Variants in MCPH1 observed in about 807,000 individuals in gnomAD.
MCPH1 encodes the protein microcephalin 1.
MCPH1 carries 104 observed loss-of-function variants against 84.5 expected under a neutral mutation model. That is an observed-to-expected ratio of 1.23 (90% CI 1.05 to 1.45). The LOEUF (loss-of-function observed/expected upper bound fraction) is 1.45. Ranked by LOEUF, MCPH1 falls within the 40% of genes most tolerant of loss-of-function variation. The pLI is 0.00. For synonymous variants in MCPH1, 514 were observed against 366.8 expected, an observed-to-expected ratio of 1.40 and a Z score of -4.58; for missense variants, 1,498 against 1,005.7, an observed-to-expected ratio of 1.49 and a Z score of -6.62.
At chr8:6,471,004 G>A (rs73518749) in intron 9 of MCPH1, among the ~76,000 whole-genome samples, 2 of 152,168 alleles carry the variant, frequency 1.3e-5, no homozygotes, top group African/African-American at 2.4e-5. Flanking sequence ...TACAATGGAG[G>A]CTGCTACAGT....
At chr8:6,491,606 C>A (rs909270199) in intron 11 of MCPH1, among the ~76,000 whole-genome samples, 1 of 151,934 alleles carries the variant, frequency 6.6e-6, no homozygotes, top group African/African-American at 2.4e-5. Context: ...GGTATATCTC[C>A]TAATGCTATC....
chr8:6,603,148 A>G (rs1447397880), intron 12 of MCPH1, among the ~76,000 whole-genome samples: 1 of 152,178 alleles, frequency 6.6e-6, no homozygotes, highest in Non-Finnish European at 1.5e-5. Context: ...GAAAGTGATC[A>G]GCCTCTACCG....
At chr8:6,538,572 C>G (rs1430841163) in intron 12 of MCPH1, among the ~76,000 whole-genome samples, 1 of 152,208 alleles carries the variant, frequency 6.6e-6, no homozygotes, top group Non-Finnish European at 1.5e-5. Flanking sequence ...TCCCAGCTGC[C>G]CAGCGGCCTC....
At chr8:6,626,248 G>T in intron 13 of MCPH1, 10 of 985,326 alleles carry the variant, frequency 1.0e-5, no homozygotes, top group Non-Finnish European at 1.2e-5. Context: ...CACTCAACAG[G>T]GCTCAGTATA....
chr8:6,446,132 G>C (rs1804331927), intron 8 of MCPH1: 2 of 941,666 alleles, frequency 2.1e-6, no homozygotes. Context: ...TACTTATTTT[G>C]CTTGAAGCAT....
At position 6,431,582 on chromosome 8, in the gene MCPH1, A is replaced by C; in HGVS notation, c.317A>C (p.Lys106Thr). 6.2e-7 allele frequency: 1 copy of C among 1,601,614 alleles called. No individual in the cohort carries two copies. Among genetic ancestry groups the C allele is most frequent in the Non-Finnish European group, 8.5e-7 (1 of 1,170,010 alleles). ...MNEHLSSLIKKKRKCMQPKDF... is the reference protein window; with the variant it reads ...MNEHLSSLIKTKRKCMQPKDF... ...GAACACTTATCAAGCCTAATTAAAA[A>C]AAAAGTAAGTACATGATTTCAATGT... Residue 106 changes from lysine (K) to threonine (T), a missense_variant, in exon 4 of 14, where the codon AAA becomes ACA. Lys to Thr is a moderately conservative substitution (Grantham distance 78, BLOSUM62 -1). Transcript: ENST00000344683.
intron 13 of MCPH1, among the ~76,000 whole-genome samples, chr8:6,635,736 CG>C (rs1418450719): frequency 6.6e-6 from 1 of 152,206 alleles, no homozygotes; most frequent in East Asian, 1.9e-4. Flanking sequence ...AATGCCTCCT[CG>C]TCCCCAGAGG....
rs10435680 is a variant in MCPH1, at chr8:6,464,693, G to A, written c.1935+9441G>A. Among the ~76,000 whole-genome samples the A allele has an allele frequency of 1.2e-3, 185 of 152,290 alleles. 3 individuals carry two copies. In the East Asian group the frequency reaches 0.03, roughly 25 times the overall value. On this transcript the variant is annotated intron_variant, in intron 9 of 13. Transcript: ENST00000344683. ...GCTAAGAGAGGAGCTAGCCGAAGAA[G>A]TCTATTTAAGATCTGCTGCTTTGGC...
At chr8:6,624,812 G>GT in intron 13 of MCPH1, 1 of 984,530 alleles carries the variant, frequency 1.0e-6, no homozygotes, top group Non-Finnish European at 1.2e-6. Context: ...AGGGCATTGC[G>GT]TTTCCTGCCT....
chr8:6,502,918 T>G, intron 12 of MCPH1: 2 of 650,454 alleles, frequency 3.1e-6, no homozygotes, highest in Non-Finnish European at 5.2e-6. Flanking sequence ...TTTGGTCCGT[T>G]AAGTGATGCA....
chr8:6,499,899 C>T lies in MCPH1; in HGVS notation c.2184C>T (p.Phe728=), dbSNP rs1474241592. Residue 728 remains phenylalanine, a synonymous_variant, in exon 12 of 14, where the codon TTC becomes TTT. Transcript: ENST00000344683. ...ELGHWISEEP[F]ELSHHFPAAP... Reference sequence around the variant, plus strand: ...GTCACTGGATTTCTGAGGAGCCGTTCGAACTGTCTCACCACTTCCCTGCAG... The same window carrying T: ...GTCACTGGATTTCTGAGGAGCCGTTTGAACTGTCTCACCACTTCCCTGCAG... 8 of 1,613,516 alleles carry T rather than the reference C, an allele frequency of 5.0e-6. No homozygotes were observed. Among genetic ancestry groups the T allele is most frequent in the African/African-American group, 2.7e-5 (2 of 74,896 alleles).
intron 10 of MCPH1, among the ~76,000 whole-genome samples, chr8:6,478,565 A>C (rs760521854): frequency 6.6e-6 from 1 of 152,066 alleles, no homozygotes; most frequent in Admixed American, 6.5e-5. Flanking sequence ...TTTTTTCTCC[A>C]CATGGACTTC....
chr8:6,548,391 T>C (rs1822995350), intron 12 of MCPH1, among the ~76,000 whole-genome samples: 1 of 152,150 alleles, frequency 6.6e-6, no homozygotes, highest in Non-Finnish European at 1.5e-5. Context: ...TTCCCGAAAA[T>C]GGCAGTGATA....
chr8:6,518,267 G>A (rs1003599676), intron 12 of MCPH1, among the ~76,000 whole-genome samples: 3 of 152,122 alleles, frequency 2.0e-5, no homozygotes, highest in Admixed American at 6.5e-5. Context: ...CCAAGAACAC[G>A]CCAACATCTG....
intron 12 of MCPH1, chr8:6,562,982 A>T: frequency 6.5e-7 from 1 of 1,541,024 alleles, no homozygotes; most frequent in Non-Finnish European, 8.8e-7. Flanking sequence ...GAGGGCAAAC[A>T]CACGTCCAGA....
In MCPH1 at chr8:6,553,540, T is replaced by C. The variant is rs577033253; in HGVS notation, c.2214+53611T>C. ...AATCTGATCATGTCCAAGATACCTC[T>C]TATTTTGGTATAGAACGCCTTTATT... On this transcript the variant is annotated intron_variant, in intron 12 of 13. Transcript: ENST00000344683. Among the ~76,000 whole-genome samples, 24 of 152,364 alleles carry C rather than the reference T, an allele frequency of 1.6e-4. No individual in the cohort carries two copies. In the South Asian group the frequency reaches 2.7e-3, roughly 17 times the overall value.
At chr8:6,555,540 C>T (rs949487885) in intron 12 of MCPH1, among the ~76,000 whole-genome samples, 1 of 151,574 alleles carries the variant, frequency 6.6e-6, no homozygotes, top group African/African-American at 2.4e-5. Flanking sequence ...TGGCTCACTG[C>T]AGCCTGTGCC....
chr8:6,576,948 C>G (rs1827176986), intron 12 of MCPH1, among the ~76,000 whole-genome samples: 1 of 152,082 alleles, frequency 6.6e-6, no homozygotes, highest in Non-Finnish European at 1.5e-5. Flanking sequence ...CCTTTGAAAT[C>G]TGAGAGACGC....
In MCPH1 at chr8:6,420,143, C is replaced by G. The variant is rs142648998; in HGVS notation, c.233+5260C>G. ...TTCTCTTAGTTTCTTCTTTTTTTCA[C>G]TGCCATTGGTTCAAGGGCTGCCACT... On this transcript the variant is annotated intron_variant, in intron 3 of 13. Transcript: ENST00000344683. Among the ~76,000 whole-genome samples the G allele has an allele frequency of 2.3e-4, 35 of 151,876 alleles. No homozygotes were observed. In the East Asian group the frequency reaches 4.5e-3, roughly 19 times the overall value.
Sources: allele counts gnomAD v4.1 joint callset (sites outside exome capture counted in the v4.1 genomes callset), GRCh38; gene constraint gnomAD v4.1.1; transcripts MANE v1.5; gene names NCBI Gene and HGNC (gene_info 2026-07-23, HGNC 2026-07-21).